Variants in STARD13 observed in about 807,000 individuals in gnomAD.
STARD13 encodes the protein StAR related lipid transfer domain containing 13.
Under a neutral mutation model 106.4 loss-of-function variants are expected in STARD13, and 62 were observed. The observed-to-expected ratio is 0.58, with a 90% CI of 0.48 to 0.72. The LOEUF is 0.72. STARD13 is among the 30% of genes least tolerant of loss of function. STARD13 has a pLI of 0.00. For synonymous variants in STARD13, 565 were observed against 553.0 expected (o/e 1.02, Z -0.31); for missense variants, 1,387 against 1,424.0 (o/e 0.97, Z 0.42).
intron 1 of STARD13, among the ~76,000 whole-genome samples, chr13:33,254,763 A>T (rs1275656799): frequency 6.6e-6 from 1 of 152,180 alleles, no homozygotes; most frequent in East Asian, 1.9e-4. Flanking sequence ...GGGTGGTCAG[A>T]GAGGAGTTTG....
the STARD13 span, among the ~76,000 whole-genome samples, chr13:33,488,629 G>T: frequency 6.6e-6 from 1 of 152,086 alleles, no homozygotes; most frequent in Non-Finnish European, 1.5e-5. Context: ...TGAATTCTAT[G>T]CTTTTTCTTC....
Position 33,104,244 on chromosome 13 carries a change from C to A in STARD13, c.*1349G>T, listed in dbSNP as rs898830227. The A allele has an allele frequency of 6.6e-6, 1 of 152,174 alleles. No individual in the cohort carries two copies. Among genetic ancestry groups the A allele is most frequent in the Non-Finnish European group, 1.5e-5 (1 of 68,028 alleles). The allele number at this position is 152,174 out of a possible 1,614,324, so 9.4% of individuals were successfully genotyped here. On this transcript the variant is annotated 3_prime_UTR_variant, in exon 14 of 14. Transcript: ENST00000336934. The stretch of plus-strand genomic sequence containing the variant: ...GTTGAATTACAATAAAAAGCACATT[C>A]GATCCATTAGCAGTTGGCTAAAGGG...
chr13:33,369,638 T>A, the STARD13 span, among the ~76,000 whole-genome samples: 1 of 152,236 alleles, frequency 6.6e-6, no homozygotes, highest in South Asian at 2.1e-4. Context: ...GTACAAAGGA[T>A]CTGAAAGCTC....
chr13:33,442,633 G>A, the STARD13 span, among the ~76,000 whole-genome samples: 2 of 152,140 alleles, frequency 1.3e-5, no homozygotes, highest in Admixed American at 6.5e-5. Flanking sequence ...AGCAACAAAA[G>A]TTAGTGTTTT....
At chr13:33,165,142 C>T (rs1240292517) in intron 3 of STARD13, among the ~76,000 whole-genome samples, 195 bp downstream of exon 3, 2 of 152,084 alleles carry the variant, frequency 1.3e-5, no homozygotes, top group South Asian at 2.1e-4. Context: ...AAGGCCCCTG[C>T]TAGGATTTAA....
chr13:33,272,190 T>C lies in STARD13; in HGVS notation c.169+13280A>G, dbSNP rs372968663. On this transcript the variant is annotated intron_variant, in intron 1 of 13. Transcript: ENST00000336934. ...CAGGTTTAGTAACCCTTATCTGAAATGCTTGGCACCAGAAGTGTTTCAGAT... is the reference window on the plus strand; with the variant it reads ...CAGGTTTAGTAACCCTTATCTGAAACGCTTGGCACCAGAAGTGTTTCAGAT... Among the ~76,000 whole-genome samples, 221 of 152,326 alleles carry C rather than the reference T, an allele frequency of 1.5e-3. 1 individual carries two copies. Among genetic ancestry groups the C allele is most frequent in the Middle Eastern group, 6.8e-3 (2 of 294 alleles).
chr13:33,556,366 C>T, the STARD13 span, among the ~76,000 whole-genome samples: 5 of 152,194 alleles, frequency 3.3e-5, no homozygotes, highest in Middle Eastern at 6.8e-3. Flanking sequence ...ACTGCAGCCT[C>T]CAATTCTTGG....
intron 1 of STARD13, among the ~76,000 whole-genome samples, chr13:33,262,638 ACC>A (rs750644449): frequency 3.5e-5 from 2 of 56,366 alleles, no homozygotes; most frequent in Admixed American, 3.1e-4. Context: ...CACACCCAGA[ACC>A]CCCCCCCCCA....
chr13:33,127,336 A>C, intron 6 of STARD13, 37 bp downstream of exon 6: 1 of 1,521,768 alleles, frequency 6.6e-7, no homozygotes, highest in South Asian at 1.3e-5. Flanking sequence ...TTAGCTCTAG[A>C]GCCAAGGATC....
intron 1 of STARD13, among the ~76,000 whole-genome samples, chr13:33,241,623 C>G (rs1310909674): frequency 1.4e-5 from 2 of 144,802 alleles, no homozygotes. Context: ...GCCATCTCAA[C>G]TCACTGCAAC....
intron 1 of STARD13, among the ~76,000 whole-genome samples, chr13:33,202,797 G>A (rs1887137251): frequency 6.6e-6 from 1 of 152,120 alleles, no homozygotes; most frequent in East Asian, 1.9e-4. Context: ...AAAACATGGA[G>A]TGTAATAGTG....
intron 1 of STARD13, among the ~76,000 whole-genome samples, chr13:33,215,149 T>C (rs1887968482): frequency 6.8e-6 from 1 of 146,688 alleles, no homozygotes; most frequent in African/African-American, 2.5e-5. Flanking sequence ...AATAAGCACC[T>C]CTCACTGAGC....
At chr13:33,474,642 T>A in the STARD13 span, among the ~76,000 whole-genome samples, 4 of 152,208 alleles carry the variant, frequency 2.6e-5, no homozygotes, top group Non-Finnish European at 5.9e-5. Context: ...ATAAAAATGC[T>A]TTGAAATTGG....
chr13:33,113,399 T>C (rs1443995925), intron 8 of STARD13: 1 of 424,678 alleles, frequency 2.4e-6, no homozygotes, highest in East Asian at 7.0e-5. Context: ...TAGGGAACAG[T>C]AGCCTCGCCT....
Position 33,314,936 on chromosome 13 carries a change from A to G in STARD13, c.124+35354T>C, listed in dbSNP as rs7325896. ...GTTGACTAAGAATTATTTAGGTTAT[A>G]GAATGAGACAAAGCCAAAACAAATG... On this transcript the variant is annotated intron_variant, in intron 1 of 5. Transcript: ENST00000567873. Among the ~76,000 whole-genome samples, 717 of 152,324 alleles carry G rather than the reference A, an allele frequency of 4.7e-3. 5 individuals are homozygous for G. The highest frequency in any genetic ancestry group is 0.016 in the African/African-American group (669 of 41,570).
chr13:33,400,374 A>G, the STARD13 span, among the ~76,000 whole-genome samples: 1 of 152,110 alleles, frequency 6.6e-6, no homozygotes, highest in African/African-American at 2.4e-5. Flanking sequence ...ATCCATTTAT[A>G]CTTTGATGGA....
At chr13:33,206,002 G>A in intron 1 of STARD13, 1 of 985,386 alleles carries the variant, frequency 1.0e-6, no homozygotes, top group Non-Finnish European at 1.2e-6. Context: ...GCTGTTGTCT[G>A]TGAGACTGGT....
the STARD13 span, among the ~76,000 whole-genome samples, chr13:33,371,692 A>C: frequency 1.3e-5 from 2 of 152,122 alleles, no homozygotes; most frequent in Non-Finnish European, 2.9e-5. Context: ...ACCAGCTCTC[A>C]TTTGCTTTCC....
rs144484936 is a variant in STARD13, at chr13:33,111,811, C to A, written c.2574G>T (p.Ala858=). 6.2e-7 allele frequency: 1 copy of A among 1,614,018 alleles called. No homozygotes were observed. Among genetic ancestry groups the A allele is most frequent in the Non-Finnish European group, 8.5e-7 (1 of 1,179,908 alleles). ...GTCTGTCGCATTCCATGATCATGTG[C>A]GCTAGCCCCTGAGCTGCTGCCAGAT... The part of the protein sequence containing the change: ...NENLAAAQGL[A]HMIMECDRLF... The change falls in exon 10 of 14, where the codon GCG becomes GCT. Residue 858 remains alanine (A), a synonymous_variant. Transcript: ENST00000336934.
Sources: allele counts gnomAD v4.1 joint callset (sites outside exome capture counted in the v4.1 genomes callset), GRCh38; gene constraint gnomAD v4.1.1; transcripts MANE v1.5; gene names NCBI Gene and HGNC (gene_info 2026-07-23, HGNC 2026-07-21).